RERE: variants seen among roughly 807,000 people sequenced by gnomAD.
The protein encoded by RERE is arginine-glutamic acid dipeptide repeats.
RERE carries 40 observed loss-of-function variants against 146.1 expected under a neutral mutation model. The ratio of observed to expected loss-of-function variants is 0.27; its 90% confidence interval spans 0.21 to 0.36. RERE has a LOEUF of 0.36. Among genes scored for constraint, RERE ranks in the 10% least tolerant of loss-of-function variants. The pLI is 1.00. For missense variants in RERE, 1,933 were observed against 2,138.7 expected (o/e 0.90, Z 1.90); for synonymous variants, 1,003 against 866.0 (o/e 1.16, Z -2.78).
At chr1:8,812,011 C>A (rs577325708) in intron 1 of RERE, among the ~76,000 whole-genome samples, 42 of 152,298 alleles carry the variant, frequency 2.8e-4, no homozygotes, top group African/African-American at 9.9e-4. Flanking sequence ...GCACTGCAGA[C>A]CTGGGGTTTT....
intron 7 of RERE, among the ~76,000 whole-genome samples, chr1:8,533,513 A>C (rs184337856): frequency 6.6e-5 from 10 of 152,318 alleles, no homozygotes; most frequent in Non-Finnish European, 1.5e-4. Flanking sequence ...CCCATTAAAA[A>C]ACATTTTACA....
At chr1:8,809,659 T>C (rs1569844443) in intron 1 of RERE, among the ~76,000 whole-genome samples, 1 of 152,320 alleles carries the variant, frequency 6.6e-6, no homozygotes, top group East Asian at 1.9e-4. Flanking sequence ...CTTAGCAGTA[T>C]ACAAAATAAT....
At chr1:8,670,121 G>GGT (rs1215746442) in intron 1 of RERE, among the ~76,000 whole-genome samples, 1 of 152,046 alleles carries the variant, frequency 6.6e-6, no homozygotes, top group Non-Finnish European at 1.5e-5. Context: ...ATTCTAACTG[G>GGT]GTGTGATTCT....
chr1:8,701,287 T>C (rs548310308), intron 1 of RERE, among the ~76,000 whole-genome samples: 3 of 93,720 alleles, frequency 3.2e-5, no homozygotes, highest in African/African-American at 1.1e-4. Flanking sequence ...GTGAGGGGAA[T>C]ACACACACAC....
chr1:8,526,981 G>A (rs1337171312), intron 7 of RERE, among the ~76,000 whole-genome samples: 1 of 152,188 alleles, frequency 6.6e-6, no homozygotes, highest in African/African-American at 2.4e-5. Context: ...AGATAGGGCA[G>A]GAAAGGGCAG....
At chr1:8,609,035 T>A (rs1278853655) in intron 4 of RERE, among the ~76,000 whole-genome samples, 1 of 152,082 alleles carries the variant, frequency 6.6e-6, no homozygotes, top group East Asian at 1.9e-4. Context: ...CTGGCCAACA[T>A]GGTGAAACCC....
At chr1:8,409,934 T>A (rs1233450353) in intron 12 of RERE, among the ~76,000 whole-genome samples, 4 of 151,506 alleles carry the variant, frequency 2.6e-5, no homozygotes, top group Admixed American at 6.6e-5. Context: ...ATGGTGTAAT[T>A]AATGGTTAGC....
At chr1:8,381,025 C>T (rs1156230797) in intron 12 of RERE, 2 of 456,664 alleles carry the variant, frequency 4.4e-6, no homozygotes, top group Non-Finnish European at 8.8e-6. Context: ...TGGGTGCAGA[C>T]ACCTGGAACG....
intron 12 of RERE, among the ~76,000 whole-genome samples, chr1:8,399,799 C>CT (rs145205035): frequency 0.015 from 2,275 of 148,674 alleles, 57 homozygotes; most frequent in African/African-American, 0.054. Context: ...TTTATTATGT[C>CT]TTTTTTTAAA....
At chr1:8,751,356 CTAA>C (rs1353935917) in intron 1 of RERE, among the ~76,000 whole-genome samples, 1 of 152,158 alleles carries the variant, frequency 6.6e-6, no homozygotes. Context: ...CTCTATGAGT[CTAA>C]TATCTCCAAA....
chr1:8,726,147 C>CTTTTTTTTTTTT (rs70985511), intron 1 of RERE, among the ~76,000 whole-genome samples: 1,426 of 69,260 alleles, frequency 0.021, 1 homozygote, highest in Non-Finnish European at 0.024. Context: ...TTTTTCTTTT[C>CTTTTTTTTTTTT]TTTTTTTTTT....
rs544957812 is a variant in RERE, at chr1:8,705,318, C to T, written c.-144-48877G>A. Among the ~76,000 whole-genome samples the T allele has an allele frequency of 3.9e-5, 6 of 152,268 alleles. No individual in the cohort carries two copies. In the South Asian group the frequency reaches 1.2e-3, roughly 32 times the overall value. On this transcript the variant is annotated intron_variant, in intron 1 of 22. Coordinates refer to ENST00000400908, the MANE Select transcript of RERE (RefSeq NM_001042681.2). ...CTAATCCAACCTGCACCCAGCCCCC[C>T]ACTTTGCAGTTACACCAGTTTTTCC...
chr1:8,610,016 G>A (rs1166967322), intron 4 of RERE, among the ~76,000 whole-genome samples: 1 of 151,982 alleles, frequency 6.6e-6, no homozygotes, highest in Non-Finnish European at 1.5e-5. Flanking sequence ...TGACCGAACC[G>A]CCCCAGCCTC....
chr1:8,483,693 A>AAC (rs1388866185), intron 10 of RERE, among the ~76,000 whole-genome samples: 8 of 152,216 alleles, frequency 5.3e-5, no homozygotes, highest in Non-Finnish European at 1.0e-4. Flanking sequence ...ATTAATACTC[A>AAC]ACAGTTAACA....
intron 1 of RERE, among the ~76,000 whole-genome samples, chr1:8,715,573 A>G (rs1415876901): frequency 6.6e-6 from 1 of 151,844 alleles, no homozygotes; most frequent in East Asian, 1.9e-4. Flanking sequence ...TATTACCACA[A>G]TGAGAAGGAA....
chr1:8,646,526 T>C (rs1193568489), intron 2 of RERE, among the ~76,000 whole-genome samples: 1 of 151,188 alleles, frequency 6.6e-6, no homozygotes, highest in Non-Finnish European at 1.5e-5. Flanking sequence ...AGTGAGACCC[T>C]TCCCCGCCAC....
At chr1:8,604,460 G>A (rs1477130519) in intron 4 of RERE, among the ~76,000 whole-genome samples, 1 of 152,136 alleles carries the variant, frequency 6.6e-6, no homozygotes, top group East Asian at 1.9e-4. Context: ...GCCTCTGAAA[G>A]GAGGGCAGAG....
intron 6 of RERE, among the ~76,000 whole-genome samples, chr1:8,541,694 CTACTA>C (rs937144918): frequency 1.3e-5 from 2 of 152,062 alleles, no homozygotes; most frequent in African/African-American, 4.8e-5. Context: ...GCCTTTCTTC[CTACTA>C]TATTATGATA....
chr1:8,433,740 T>C (rs1644128769), intron 11 of RERE, among the ~76,000 whole-genome samples: 1 of 151,522 alleles, frequency 6.6e-6, no homozygotes, highest in East Asian at 1.9e-4. Flanking sequence ...TTTTGTATTT[T>C]TAGTAGAGAC....
Sources: gnomAD v4.1 joint callset for allele counts (sites outside exome capture counted in the v4.1 genomes callset) on GRCh38, gnomAD v4.1.1 for gene constraint, MANE v1.5 for transcripts, NCBI Gene and HGNC (gene_info 2026-07-23, HGNC 2026-07-21) for gene names.